The following DOK6 variants were observed in gnomAD, a reference collection of about 807,000 sequenced individuals.
DOK6 encodes docking protein 6, also known as downstream of tyrosine kinase 6.
DOK6 carries 22 observed loss-of-function variants against 44.0 expected under a neutral mutation model. The ratio of observed to expected loss-of-function variants is 0.50; its 90% CI spans 0.36 to 0.71. The LOEUF is 0.71. Ranked by LOEUF, DOK6 falls within the 30% of genes least tolerant of loss-of-function variation. DOK6 has a pLI of 0.00. For synonymous variants in DOK6, 166 were observed against 145.5 expected (o/e 1.14, Z -1.01); for missense variants, 340 against 416.4 (o/e 0.82, Z 1.60).
chr18:69,406,973 C>T (rs1916217797), intron 1 of DOK6, among the ~76,000 whole-genome samples: 1 of 152,074 alleles, frequency 6.6e-6, no homozygotes, highest in African/African-American at 2.4e-5. Flanking sequence ...TCCAGCTACT[C>T]AGGAGGCTGA....
intron 1 of DOK6, among the ~76,000 whole-genome samples, chr18:69,430,380 T>A (rs1267850614): frequency 6.6e-6 from 1 of 152,208 alleles, no homozygotes; most frequent in Admixed American, 6.5e-5. Flanking sequence ...TTTTTTATTA[T>A]TTTTTGAGAG....
chr18:69,720,603 C>T (rs1166395950), intron 5 of DOK6, among the ~76,000 whole-genome samples: 1 of 152,150 alleles, frequency 6.6e-6, no homozygotes, highest in African/African-American at 2.4e-5. Context: ...CCACGATTTA[C>T]ATGGATATAA....
In DOK6 at chr18:69,526,083, T is replaced by C. The variant is rs918484849; in HGVS notation, c.67-38404T>C. 5.9e-5 allele frequency among the ~76,000 whole-genome samples: 9 copies of C among 152,268 alleles called. No homozygotes were observed. In the South Asian group the frequency reaches 8.3e-4, roughly 14 times the overall value. On this transcript the variant is annotated intron_variant, in intron 1 of 7. Transcript: ENST00000382713. ...TTGTTATTACGGCTTTATTAAAATA[T>C]AATTCATATATTATAGAATTCACCT...
chr18:69,586,274 A>G (rs918096266), intron 2 of DOK6, among the ~76,000 whole-genome samples: 4 of 152,164 alleles, frequency 2.6e-5, no homozygotes, highest in African/African-American at 9.7e-5. Context: ...AGGAGTATAA[A>G]GGAGCTTTTT....
intron 1 of DOK6, among the ~76,000 whole-genome samples, chr18:69,515,103 A>G (rs989666671): frequency 1.3e-5 from 2 of 152,202 alleles, no homozygotes; most frequent in Non-Finnish European, 2.9e-5. Context: ...TATCTCCACT[A>G]TAATATTTAA....
chr18:69,617,572 GAA>G (rs996430408), intron 3 of DOK6, among the ~76,000 whole-genome samples: 17 of 97,120 alleles, frequency 1.8e-4, no homozygotes, highest in African/African-American at 4.6e-4. Context: ...AGGAGAAAAA[GAA>G]AGAAAGAGAG....
intron 5 of DOK6, among the ~76,000 whole-genome samples, chr18:69,699,518 T>C (rs537085114): frequency 7.2e-5 from 11 of 152,158 alleles, no homozygotes; most frequent in African/African-American, 2.6e-4. Flanking sequence ...TTTACCAGTC[T>C]GGGGCCCTTT....
chr18:69,520,123 A>G (rs998817840), intron 1 of DOK6, among the ~76,000 whole-genome samples: 2 of 151,924 alleles, frequency 1.3e-5, no homozygotes, highest in Non-Finnish European at 3.0e-5. Flanking sequence ...ACCATAAAAA[A>G]CTTGACATTT....
At chr18:69,491,245 C>A (rs1980726745) in intron 1 of DOK6, among the ~76,000 whole-genome samples, 1 of 152,134 alleles carries the variant, frequency 6.6e-6, no homozygotes, top group Non-Finnish European at 1.5e-5. Context: ...TGCAGAACAT[C>A]TATGGAGTTT....
chr18:69,829,699 T>A (rs1981846422), intron 7 of DOK6, among the ~76,000 whole-genome samples: 1 of 151,826 alleles, frequency 6.6e-6, no homozygotes, highest in South Asian at 2.1e-4. Context: ...GAAGAAAGAC[T>A]TGTTATCAAG....
intron 1 of DOK6, among the ~76,000 whole-genome samples, chr18:69,512,623 C>T (rs1240894091): frequency 6.6e-6 from 1 of 152,052 alleles, no homozygotes; most frequent in African/African-American, 2.4e-5. Flanking sequence ...GGATTACAAG[C>T]GTGAGCCACC....
At chr18:69,808,897 T>A (rs911037196) in intron 7 of DOK6, among the ~76,000 whole-genome samples, 5 of 151,760 alleles carry the variant, frequency 3.3e-5, no homozygotes, top group African/African-American at 1.2e-4. Context: ...CAAACTCCTG[T>A]CACTCTTCCA....
intron 7 of DOK6, among the ~76,000 whole-genome samples, chr18:69,826,805 T>C (rs1981754892): frequency 6.6e-6 from 1 of 152,198 alleles, no homozygotes; most frequent in Non-Finnish European, 1.5e-5. Flanking sequence ...CTGTAATAAA[T>C]AATTATAGAT....
intron 7 of DOK6, among the ~76,000 whole-genome samples, chr18:69,774,673 C>CAG (rs1417927355): frequency 6.6e-6 from 1 of 151,632 alleles, no homozygotes; most frequent in Non-Finnish European, 1.5e-5. Flanking sequence ...CAGCGTGCAA[C>CAG]AGAGAGATGT....
chr18:69,409,659 T>C (rs1416717374), intron 1 of DOK6, among the ~76,000 whole-genome samples: 1 of 152,210 alleles, frequency 6.6e-6, no homozygotes, highest in African/African-American at 2.4e-5. Flanking sequence ...CATTGGTCTT[T>C]ACTTGGAAAA....
intron 1 of DOK6, among the ~76,000 whole-genome samples, chr18:69,446,326 G>A (rs988408559): frequency 3.3e-5 from 5 of 151,292 alleles, no homozygotes; most frequent in South Asian, 2.1e-4. Context: ...TTGTCCTTGC[G>A]ATAGTTTGCT....
intron 1 of DOK6, among the ~76,000 whole-genome samples, chr18:69,438,965 G>A (rs538604856): frequency 5.0e-4 from 76 of 152,126 alleles, no homozygotes; most frequent in South Asian, 1.7e-3. Context: ...CCAGCTACTC[G>A]GGAGGCTGAG....
rs1379357585 is a variant in DOK6 at position 69,486,809 on chromosome 18, A to G, written c.67-77678A>G. Among the ~76,000 whole-genome samples the G allele has an allele frequency of 2.6e-5, 4 of 152,324 alleles. No individual in the cohort carries two copies. The East Asian group carries it at 7.7e-4, about 29-fold the overall frequency. ...ACTTTTCTTTTTAACTAACAATGTT[A>G]AGGAAATTTACTTTAAAAATAGCAT... On this transcript the variant is annotated intron_variant, in intron 1 of 7. Transcript: ENST00000382713.
intron 2 of DOK6, among the ~76,000 whole-genome samples, chr18:69,576,839 T>G (rs189735782): frequency 9.2e-5 from 14 of 152,252 alleles, no homozygotes; most frequent in African/African-American, 3.4e-4. Flanking sequence ...AGCTAATAAA[T>G]TTTCCTTAAT....
Sources: allele counts gnomAD v4.1 joint callset (sites outside exome capture counted in the v4.1 genomes callset), GRCh38; gene constraint gnomAD v4.1.1; transcripts MANE v1.5; gene names NCBI Gene and HGNC (gene_info 2026-07-23, HGNC 2026-07-21).